VEPH1: variants seen among roughly 807,000 people sequenced by gnomAD.
VEPH1 encodes ventricular zone-expressed PH domain-containing protein homolog 1.
Under a neutral mutation model 85.2 loss-of-function variants are expected in VEPH1, and 80 were observed. The observed-to-expected ratio is 0.94, with a 90% CI of 0.78 to 1.13. The LOEUF is 1.13. Ranked by LOEUF, VEPH1 falls within the 50% of genes most tolerant of loss-of-function variation. The probability of loss-of-function intolerance (pLI) is 0.00; values close to 1 mark genes in which losing one functional copy is unlikely to be tolerated. For synonymous variants in VEPH1, 297 were observed against 348.0 expected (o/e 0.85, Z 1.63); for missense variants, 955 against 980.5 (o/e 0.97, Z 0.35).
chr3:157,499,351 A>G (rs959077625), intron 1 of VEPH1: 1 of 151,518 alleles, frequency 6.6e-6, no homozygotes, highest in Admixed American at 6.6e-5. Flanking sequence ...AAAACGTGGC[A>G]CATTTCAGGG....
At chr3:157,472,327 T>G (rs913641514) in intron 2 of VEPH1, among the ~76,000 whole-genome samples, 1 of 152,220 alleles carries the variant, frequency 6.6e-6, no homozygotes, top group Non-Finnish European at 1.5e-5. Context: ...TTTATGGAAA[T>G]AAGTAGAAAT....
intron 4 of VEPH1, chr3:157,442,437 A>T (rs1268651864): frequency 6.2e-7 from 1 of 1,614,200 alleles, no homozygotes; most frequent in Non-Finnish European, 8.5e-7. Context: ...AGTGAGACCA[A>T]TGAGGCTTGA....
chr3:157,427,449 G>T lies in VEPH1; in HGVS notation c.696+873C>A, dbSNP rs182817246. Among the ~76,000 whole-genome samples, 795 of 151,082 alleles carry T rather than the reference G, an allele frequency of 5.3e-3. 6 individuals are homozygous for T. The highest frequency in any genetic ancestry group is 0.019 in the African/African-American group (763 of 40,712). ...TTGCTTTTCATTACTGTATCTGTCT[G>T]GTTAATATTTATTTATTTATTTTTA... On this transcript the variant is annotated intron_variant, in intron 5 of 13. Transcript: ENST00000362010.
chr3:157,486,104 A>G (rs1484781222), intron 2 of VEPH1, among the ~76,000 whole-genome samples: 1 of 150,040 alleles, frequency 6.7e-6, no homozygotes, highest in Non-Finnish European at 1.5e-5. Context: ...CATTAACAAG[A>G]GTTATTTAAT....
chr3:157,446,274 G>T (rs945550811), intron 4 of VEPH1, among the ~76,000 whole-genome samples: 1 of 151,944 alleles, frequency 6.6e-6, no homozygotes, highest in Non-Finnish European at 1.5e-5. Flanking sequence ...AGCACTGAAA[G>T]TTCCATGTCC....
intron 2 of VEPH1, among the ~76,000 whole-genome samples, chr3:157,484,387 C>T (rs1366407433): frequency 6.6e-6 from 1 of 152,092 alleles, no homozygotes; most frequent in Non-Finnish European, 1.5e-5. Flanking sequence ...GCTGCAGCCT[C>T]AAAGTCCTGT....
At chr3:157,418,281 T>A (rs1028931876) in intron 5 of VEPH1, among the ~76,000 whole-genome samples, 1 of 152,140 alleles carries the variant, frequency 6.6e-6, no homozygotes, top group African/African-American at 2.4e-5. Flanking sequence ...TTTTCCTGAA[T>A]AGAGTTAGTC....
At chr3:157,315,807 T>G (rs559843473) in intron 10 of VEPH1, 1 of 152,048 alleles carries the variant, frequency 6.6e-6, no homozygotes, top group African/African-American at 2.4e-5. Flanking sequence ...TGTTTTTTTT[T>G]CAGAAAACTG....
At chr3:157,450,355 C>A (rs1054089492) in intron 4 of VEPH1, among the ~76,000 whole-genome samples, 1 of 151,890 alleles carries the variant, frequency 6.6e-6, no homozygotes, top group Non-Finnish European at 1.5e-5. Context: ...CCACACCCAG[C>A]CAGAATATTT....
rs1024220031 is a variant in VEPH1 at position 157,447,412 on chromosome 3, T to A, written c.529+12769A>T. Among the ~76,000 whole-genome samples the A allele has an allele frequency of 2.0e-5, 3 of 152,196 alleles. No homozygotes were observed. The South Asian group carries it at 6.2e-4, about 31-fold the overall frequency. On this transcript the variant is annotated intron_variant, in intron 4 of 13. Coordinates refer to ENST00000362010, the MANE Select transcript of VEPH1 (RefSeq NM_001167912.2). ...AAATATTCAGGTTGAATATTCTTAATAAGATTGCTTAGTAGCTTGTTTCCT... is the reference window on the plus strand; with the variant it reads ...AAATATTCAGGTTGAATATTCTTAAAAAGATTGCTTAGTAGCTTGTTTCCT...
chr3:157,489,310 G>A (rs543363098), intron 2 of VEPH1: 90 of 397,318 alleles, frequency 2.3e-4, no homozygotes, highest in Admixed American at 8.1e-4. Flanking sequence ...CAGCCACACC[G>A]ACCTCAGAAA....
At chr3:157,343,283 A>G (rs1174771242) in intron 9 of VEPH1, among the ~76,000 whole-genome samples, 3 of 152,220 alleles carry the variant, frequency 2.0e-5, no homozygotes, top group African/African-American at 7.2e-5. Flanking sequence ...ACCACTAGCA[A>G]GACTAATAAA....
chr3:157,289,134 G>C (rs556007652), intron 11 of VEPH1, among the ~76,000 whole-genome samples: 1 of 152,052 alleles, frequency 6.6e-6, no homozygotes, highest in Non-Finnish European at 1.5e-5. Context: ...TTTCAAAACT[G>C]TGAAGTCTCT....
chr3:157,372,805 A>T (rs1259078554), intron 7 of VEPH1, among the ~76,000 whole-genome samples: 4 of 152,220 alleles, frequency 2.6e-5, no homozygotes, highest in Non-Finnish European at 5.9e-5. Flanking sequence ...AAAACAAGAC[A>T]TACAACGTCC....
intron 13 of VEPH1, among the ~76,000 whole-genome samples, chr3:157,264,485 A>G (rs925366754): frequency 6.6e-6 from 1 of 152,194 alleles, no homozygotes; most frequent in Non-Finnish European, 1.5e-5. Flanking sequence ...ATTTCTATGG[A>G]GATCCCTGGT....
At chr3:157,328,000 G>C (rs1181938203) in intron 9 of VEPH1, among the ~76,000 whole-genome samples, 1 of 152,136 alleles carries the variant, frequency 6.6e-6, no homozygotes, top group Non-Finnish European at 1.5e-5. Context: ...TCTGGAGCGA[G>C]ACTTTCCTAT....
chr3:157,346,268 G>C (rs1280926876), intron 9 of VEPH1, among the ~76,000 whole-genome samples: 1 of 152,112 alleles, frequency 6.6e-6, no homozygotes, highest in Non-Finnish European at 1.5e-5. Context: ...TCTATTATCA[G>C]CAAAATATCT....
chr3:157,409,497 A>G (rs573342848), intron 6 of VEPH1, among the ~76,000 whole-genome samples: 3 of 152,278 alleles, frequency 2.0e-5, no homozygotes, highest in African/African-American at 7.2e-5. Flanking sequence ...CAAGCACTAT[A>G]TGATTATTAA....
At position 157,261,091 on chromosome 3, in the gene VEPH1, C is replaced by A; in HGVS notation, c.*43G>T. The stretch of plus-strand genomic sequence containing the variant: ...TTTCTTGACATTGGCAATGATAATA[C>A]AATGCCTGTGGTGTATAATTGTCAT... On this transcript the variant is annotated 3_prime_UTR_variant, in exon 14 of 14. Coordinates refer to ENST00000362010, the MANE Select transcript of VEPH1 (RefSeq NM_001167912.2). 1.9e-6 allele frequency: 3 copies of A among 1,604,546 alleles called. No individual in the cohort carries two copies. The highest frequency in any genetic ancestry group is 2.6e-6 in the Non-Finnish European group (3 of 1,174,862).
Sources: gnomAD v4.1 joint callset for allele counts (sites outside exome capture counted in the v4.1 genomes callset) on GRCh38, gnomAD v4.1.1 for gene constraint, MANE v1.5 for transcripts, NCBI Gene and HGNC (gene_info 2026-07-23, HGNC 2026-07-21) for gene names.